MOSMO: variants seen among roughly 807,000 people sequenced by gnomAD.
The protein encoded by MOSMO is modulator of smoothened.
MOSMO carries 5 observed loss-of-function variants against 18.4 expected under a neutral mutation model. The ratio of observed to expected loss-of-function variants is 0.27; its 90% CI spans 0.14 to 0.57. The LOEUF (loss-of-function observed/expected upper bound fraction) is 0.57, where lower values mean the gene tolerates loss of function less well. MOSMO is among the 20% of genes least tolerant of loss of function. The pLI is 0.92. For missense variants in MOSMO, 138 were observed against 211.8 expected (o/e 0.65, Z 2.16); for synonymous variants, 82 against 82.3 (o/e 1.00, Z 0.02).
chr16:22,086,363 C>G (rs1019486238), downstream of MOSMO, among the ~76,000 whole-genome samples: 3 of 152,202 alleles, frequency 2.0e-5, no homozygotes, highest in African/African-American at 7.2e-5. Context: ...TCACTTCTTA[C>G]TGACAACCAG....
chr16:22,028,029 G>C (rs1899911519), intron 1 of MOSMO, among the ~76,000 whole-genome samples: 1 of 152,002 alleles, frequency 6.6e-6, no homozygotes, highest in South Asian at 2.1e-4. Context: ...AAATTTATTG[G>C]TGTCAGTTCT....
At chr16:22,040,360 C>T (rs559236255) in intron 1 of MOSMO, among the ~76,000 whole-genome samples, 41 of 152,250 alleles carry the variant, frequency 2.7e-4, no homozygotes, top group African/African-American at 9.9e-4. Context: ...AACCAACCCC[C>T]ATAACACAAG....
intron 1 of MOSMO, among the ~76,000 whole-genome samples, chr16:22,038,107 C>G (rs1021765933): frequency 6.7e-4 from 102 of 152,240 alleles, no homozygotes; most frequent in African/African-American, 2.4e-3. Flanking sequence ...AAAAGAAACT[C>G]TCATCACTCT....
At chr16:22,089,495 C>T (rs1188224474), downstream of MOSMO, among the ~76,000 whole-genome samples, 1 of 152,166 alleles carries the variant, frequency 6.6e-6, no homozygotes, top group Admixed American at 6.5e-5. Context: ...CTCACCCCTA[C>T]TCCCAAAGCA....
chr16:22,052,357 A>G (rs1211825835), intron 1 of MOSMO, among the ~76,000 whole-genome samples: 1 of 152,210 alleles, frequency 6.6e-6, no homozygotes, highest in Non-Finnish European at 1.5e-5. Flanking sequence ...AGACAGTATC[A>G]GGTATTGGCA....
At chr16:22,035,534 G>A (rs1020118743) in intron 1 of MOSMO, among the ~76,000 whole-genome samples, 1 of 151,528 alleles carries the variant, frequency 6.6e-6, no homozygotes, top group Non-Finnish European at 1.5e-5. Flanking sequence ...TAATCATACT[G>A]AGCCTCAGGA....
intron 1 of MOSMO, among the ~76,000 whole-genome samples, chr16:22,050,684 G>A (rs923568243): frequency 1.3e-5 from 2 of 152,050 alleles, no homozygotes; most frequent in Admixed American, 6.6e-5. Context: ...GAGGCCAGGG[G>A]TTTGAAATCA....
At chr16:22,031,008 T>G (rs931612689) in intron 1 of MOSMO, among the ~76,000 whole-genome samples, 3 of 152,134 alleles carry the variant, frequency 2.0e-5, no homozygotes, top group African/African-American at 7.2e-5. Flanking sequence ...TGACCGGAAG[T>G]CAGTAAGAAG....
intron 1 of MOSMO, among the ~76,000 whole-genome samples, chr16:22,030,269 T>TCC (rs769260008): frequency 6.6e-6 from 1 of 152,152 alleles, no homozygotes; most frequent in African/African-American, 2.4e-5. Flanking sequence ...TTCACTGGGA[T>TCC]CCAGAACCTA....
chr16:22,045,895 A>G (rs1160454533), intron 1 of MOSMO, among the ~76,000 whole-genome samples: 1 of 147,464 alleles, frequency 6.8e-6, no homozygotes, highest in African/African-American at 2.5e-5. Context: ...TTTTTTTTAT[A>G]CTTTAAGTTT....
intron 1 of MOSMO, among the ~76,000 whole-genome samples, chr16:22,017,453 C>T (rs1899663345): frequency 6.6e-6 from 1 of 152,092 alleles, no homozygotes; most frequent in African/African-American, 2.4e-5. Flanking sequence ...GAAGCTACAC[C>T]TTTTTTTCCA....
intron 1 of MOSMO, among the ~76,000 whole-genome samples, chr16:22,046,177 A>T (rs1380186932): frequency 6.6e-6 from 1 of 152,210 alleles, no homozygotes; most frequent in Non-Finnish European, 1.5e-5. Context: ...CTAAAGGGAC[A>T]CTTCAACCCC....
At chr16:22,029,479 C>T (rs1010947780) in intron 1 of MOSMO, among the ~76,000 whole-genome samples, 5 of 152,144 alleles carry the variant, frequency 3.3e-5, no homozygotes, top group Non-Finnish European at 5.9e-5. Flanking sequence ...TTTTTCCTCT[C>T]CTTCAATTTT....
intron 1 of MOSMO, among the ~76,000 whole-genome samples, chr16:22,071,472 G>T (rs1900850384): frequency 6.6e-6 from 1 of 152,168 alleles, no homozygotes; most frequent in Non-Finnish European, 1.5e-5. Flanking sequence ...TACATGTAGT[G>T]ATGACATACC....
At chr16:22,092,573 G>A in the MOSMO span, 1 of 1,543,572 alleles carries the variant, frequency 6.5e-7, no homozygotes, top group Non-Finnish European at 8.8e-7. Flanking sequence ...GAAACCAGAA[G>A]TGAGATCCAG....
intron 1 of MOSMO, among the ~76,000 whole-genome samples, chr16:22,019,921 G>A (rs561344433): frequency 9.2e-5 from 14 of 152,062 alleles, no homozygotes; most frequent in African/African-American, 3.1e-4. Context: ...TTTAAAAAAT[G>A]TATCAGTTGG....
chr16:22,088,930 T>G (rs984967739), downstream of MOSMO, among the ~76,000 whole-genome samples: 4 of 152,114 alleles, frequency 2.6e-5, no homozygotes, highest in African/African-American at 7.2e-5. Flanking sequence ...ATGGTTTGCT[T>G]CTTCTGGATG....
At chr16:22,072,684 C>T (rs1900880486) in intron 1 of MOSMO, among the ~76,000 whole-genome samples, 1 of 151,930 alleles carries the variant, frequency 6.6e-6, no homozygotes, top group Admixed American at 6.6e-5. Flanking sequence ...TAGTCGTGGG[C>T]GCCTGTCGTC....
At chr16:22,091,897 A>T (rs1901339604), downstream of MOSMO, among the ~76,000 whole-genome samples, 1 of 152,160 alleles carries the variant, frequency 6.6e-6, no homozygotes. Flanking sequence ...TGGGCCAAGG[A>T]CTAGTTACAT....
Sources: allele counts gnomAD v4.1 joint callset (sites outside exome capture counted in the v4.1 genomes callset), GRCh38; gene constraint gnomAD v4.1.1; transcripts MANE v1.5; gene names NCBI Gene and HGNC (gene_info 2026-07-23, HGNC 2026-07-21).